Variants in EMILIN2 observed in about 807,000 individuals in gnomAD.
The protein encoded by EMILIN2 is EMILIN-2.
Under a neutral mutation model 87.1 loss-of-function variants are expected in EMILIN2, and 71 were observed. That is an observed-to-expected ratio of 0.82 (90% CI 0.67 to 0.99). EMILIN2 has a LOEUF of 0.99. Ranked by LOEUF, EMILIN2 falls within the 50% of genes least tolerant of loss-of-function variation. The pLI is 0.00. For synonymous variants in EMILIN2, 581 were observed against 563.4 expected (o/e 1.03, Z -0.44); for missense variants, 1,407 against 1,371.8 (o/e 1.03, Z -0.40).
chr18:2,858,395 G>A (rs1392135050), intron 2 of EMILIN2, among the ~76,000 whole-genome samples: 1 of 150,526 alleles, frequency 6.6e-6, no homozygotes, highest in Non-Finnish European at 1.5e-5. Flanking sequence ...TCCCACTTAT[G>A]AGTGAGAACA....
In EMILIN2 at chr18:2,913,397, A is replaced by G. The variant is rs2076951980; in HGVS notation, c.3155A>G (p.His1052Arg). The G allele has an allele frequency of 6.3e-7, 1 of 1,584,912 alleles. No homozygotes were observed. The highest frequency in any genetic ancestry group is 8.6e-7 in the Non-Finnish European group (1 of 1,166,898). Residue 1052 changes from histidine (H) to arginine (R), a missense_variant, in exon 8 of 8, where the codon CAC (histidine) becomes CGC (arginine). Transcript: ENST00000254528. ...SGVFLYPFLS[H>R]L ...GTTTTCTTATATCCTTTCCTTTCCC[A>G]CCTCTAAGGTGGCTGGGGAGATGTC...
chr18:2,908,118 AAG>A (rs2076923424), intron 5 of EMILIN2, among the ~76,000 whole-genome samples: 1 of 152,188 alleles, frequency 6.6e-6, no homozygotes, highest in Non-Finnish European at 1.5e-5. Context: ...CACAGCTCTT[AAG>A]CAGATGTCCT....
chr18:2,905,778 T>G (rs1305816292), intron 4 of EMILIN2, among the ~76,000 whole-genome samples: 5 of 106,892 alleles, frequency 4.7e-5, no homozygotes, highest in East Asian at 2.8e-4. Flanking sequence ...AATTTTTGTT[T>G]TTTTGTTTTT....
chr18:2,847,701 G>C lies in EMILIN2; in HGVS notation c.135-108G>C, dbSNP rs1286081200. On this transcript the variant is annotated intron_variant, in intron 1 of 7. Transcript: ENST00000254528. The surrounding 1 kb of genome is among the most constrained non-coding windows in gnomAD (Gnocchi z 4.5). ...AGCTCCCGCCTCCGCAGAGGGCGAC[G>C]GGCCCCCCCGACCCTCGCTCGGTCT... is the stretch of plus-strand genomic sequence containing the variant. The C allele has an allele frequency of 4.1e-6, 6 of 1,467,276 alleles. No homozygotes were observed. The highest frequency in any genetic ancestry group is 2.8e-5 in the African/African-American group (2 of 70,398). The allele number at this position is 1,467,276 out of a possible 1,614,324, so 90.9% of individuals were successfully genotyped here.
chr18:2,854,207 C>G (rs920858876), intron 2 of EMILIN2, among the ~76,000 whole-genome samples: 1 of 152,160 alleles, frequency 6.6e-6, no homozygotes, highest in Non-Finnish European at 1.5e-5. Context: ...CACCTCCCCC[C>G]TCAGCCCCTC....
Position 2,906,843 on chromosome 18 carries a change from C to T in EMILIN2, c.2420C>T (p.Ala807Val), listed in dbSNP as rs1344623229. 1.5e-6 allele frequency: 2 copies of T among 1,345,002 alleles called. No homozygotes were observed. Among genetic ancestry groups the T allele is most frequent in the Non-Finnish European group, 1.9e-6 (2 of 1,049,828 alleles). 83.3% of individuals were successfully genotyped at this position (1,345,002 alleles called of 1,614,324 possible). Reference protein sequence around the residue: ...APKEPLQPEPAPPRPSGPATA... With the variant: ...APKEPLQPEPVPPRPSGPATA... The stretch of plus-strand genomic sequence containing the variant: ...AAGGAGCCGCTGCAGCCCGAGCCCG[C>T]CCCGCCGAGGCCCAGCGGCCCCGCA... Residue 807 changes from alanine to valine, a missense_variant, in exon 5 of 8, where the codon GCC becomes GTC. Coordinates refer to ENST00000254528, the MANE Select transcript of EMILIN2 (RefSeq NM_032048.3).
chr18:2,885,315 A>G (rs1466065133), intron 3 of EMILIN2, among the ~76,000 whole-genome samples, 176 bp downstream of exon 3: 2 of 152,186 alleles, frequency 1.3e-5, no homozygotes, highest in Non-Finnish European at 2.9e-5. Context: ...AGCAATTGTA[A>G]GACAAACTTC....
In EMILIN2 at chr18:2,906,970, C is replaced by T. The variant is rs1471725841; in HGVS notation, c.2547C>T (p.Gly849=). Residue 849 remains glycine, a synonymous_variant, in exon 5 of 8, where the codon GGC becomes GGT. Coordinates refer to ENST00000254528, the MANE Select transcript of EMILIN2 (RefSeq NM_032048.3). ...CCACCGGGGTCATCGCGGAGACGGG[C>T]CAGGCCGGGCCCCCCGCAGGCGCAG... is the stretch of plus-strand genomic sequence containing the variant. ...PGSTGVIAET[G]QAGPPAGAGV... 10 of 1,394,012 alleles carry T rather than the reference C, an allele frequency of 7.2e-6. No homozygotes were observed. Among genetic ancestry groups the T allele is most frequent in the Middle Eastern group, 2.6e-4 (1 of 3,828 alleles). The allele number at this position is 1,394,012 out of a possible 1,614,324, so 86.4% of individuals were successfully genotyped here.
intron 3 of EMILIN2, among the ~76,000 whole-genome samples, chr18:2,889,124 C>CTTTTTTTTTTTTTTTTTTTTTTTTTT (rs1555668457): frequency 1.7e-5 from 2 of 115,742 alleles, no homozygotes; most frequent in African/African-American, 6.9e-5. Context: ...CTTTTCATTT[C>CTTTTTTTTTTTTTTTTTTTTTTTTTT]TTTCTTTTCT....
chr18:2,910,523 G>GGACA (rs557158768), intron 7 of EMILIN2, among the ~76,000 whole-genome samples: 4 of 152,178 alleles, frequency 2.6e-5, no homozygotes, highest in Non-Finnish European at 2.9e-5. Flanking sequence ...GGGCCCATCA[G>GGACA]GACAGAGCTC....
chr18:2,915,819 A>G lies in EMILIN2; in HGVS notation c.*2415A>G, dbSNP rs936236902. On this transcript the variant is annotated 3_prime_UTR_variant, in exon 8 of 8. Coordinates refer to ENST00000254528, the MANE Select transcript of EMILIN2 (RefSeq NM_032048.3). ...ATTACAGGTATGAGCCACCACGCCCAGCCAAGTTCACAACTTCTGATATCA... is the reference window on the plus strand; with the variant it reads ...ATTACAGGTATGAGCCACCACGCCCGGCCAAGTTCACAACTTCTGATATCA... 1 of 152,166 alleles carries G rather than the reference A, an allele frequency of 6.6e-6. No individual in the cohort carries two copies. Among genetic ancestry groups the G allele is most frequent in the African/African-American group, 2.4e-5 (1 of 41,410 alleles). 9.4% of individuals were successfully genotyped at this position (152,166 alleles called of 1,614,324 possible). A position where few individuals can be genotyped will look rare whatever the true frequency, so the allele number is the denominator to read the frequency against.
At position 2,891,516 on chromosome 18, in the gene EMILIN2, C is replaced by T. The variant is rs1363674860; in HGVS notation, c.1389C>T (p.Asn463=). ...CAAGGATCAATGTGACGGAGAAGAA[C>T]GCTGAAGAACATTGCTTTTACATTG... ...LDARINVTEK[N]AEEHCFYIEE... is the part of the protein sequence containing the mutation. Residue 463 remains asparagine, a synonymous_variant, in exon 4 of 8, where the codon AAC becomes AAT. Coordinates refer to ENST00000254528, the MANE Select transcript of EMILIN2 (RefSeq NM_032048.3). This position sits in a 1 kb window ranked among gnomAD's most constrained non-coding sequence, Gnocchi z 4.6. 76 of 1,614,160 alleles carry T rather than the reference C, an allele frequency of 4.7e-5. No individual in the cohort carries two copies. Among genetic ancestry groups the T allele is most frequent in the African/African-American group, 6.7e-5 (5 of 75,034 alleles).
intron 7 of EMILIN2, among the ~76,000 whole-genome samples, chr18:2,910,580 G>A (rs649624): frequency 0.18 from 27,056 of 151,968 alleles, 2,620 homozygotes; most frequent in East Asian, 0.43. Context: ...CTTTCCTGAC[G>A]TCTCTCTCTG....
intron 2 of EMILIN2, among the ~76,000 whole-genome samples, chr18:2,868,697 G>A (rs998680804): frequency 8.5e-5 from 13 of 152,254 alleles, no homozygotes; most frequent in Non-Finnish European, 7.3e-5. Context: ...TCGGCAGGCT[G>A]AGGCAGGAGA....
At chr18:2,892,611 A>G in intron 4 of EMILIN2, 125 bp downstream of exon 4, 1 of 1,345,134 alleles carries the variant, frequency 7.4e-7, no homozygotes, top group Non-Finnish European at 9.9e-7. Context: ...TGACAGTATT[A>G]TGCTAGATTT....
At chr18:2,862,594 T>C (rs2076666602) in intron 2 of EMILIN2, among the ~76,000 whole-genome samples, 1 of 152,186 alleles carries the variant, frequency 6.6e-6, no homozygotes, top group Admixed American at 6.5e-5. Flanking sequence ...TGGATAAGCT[T>C]TTTGATGTGC....
At chr18:2,857,140 A>G (rs1009220418) in intron 2 of EMILIN2, among the ~76,000 whole-genome samples, 3 of 152,236 alleles carry the variant, frequency 2.0e-5, no homozygotes, top group Non-Finnish European at 4.4e-5. Context: ...GAATACGCCT[A>G]AGAATTACTC....
At chr18:2,873,886 C>T (rs946719326) in intron 2 of EMILIN2, among the ~76,000 whole-genome samples, 5 of 152,146 alleles carry the variant, frequency 3.3e-5, no homozygotes, top group South Asian at 4.1e-4. Flanking sequence ...TAGTGTCCTG[C>T]GGCCTCCTAA....
chr18:2,891,395 C>T lies in EMILIN2; in HGVS notation c.1268C>T (p.Thr423Ile). The change falls in exon 4 of 8, where the codon ACC becomes ATC. Residue 423 changes from threonine to isoleucine, a missense_variant. Coordinates refer to ENST00000254528, the MANE Select transcript of EMILIN2 (RefSeq NM_032048.3). The surrounding 1 kb of genome is among the most constrained non-coding windows in gnomAD (Gnocchi z 4.6). ...DQKIERVAEA[T>I]RMLNGRLDNE... ...AAAATCGAGAGAGTTGCTGAAGCCA[C>T]CAGAATGCTGAATGGAAGACTGGAC... The T allele has an allele frequency of 6.2e-7, 1 of 1,614,152 alleles. No homozygotes were observed. Among genetic ancestry groups the T allele is most frequent in the Non-Finnish European group, 8.5e-7 (1 of 1,180,034 alleles).
Sources: gnomAD v4.1 joint callset for allele counts (sites outside exome capture counted in the v4.1 genomes callset) on GRCh38, gnomAD v4.1.1 for gene constraint, Gnocchi (gnomAD v3.1) non-coding constraint, MANE v1.5 for transcripts, NCBI Gene and HGNC (gene_info 2026-07-23, HGNC 2026-07-21) for gene names.